BIRC6: variants seen among roughly 807,000 people sequenced by gnomAD.
BIRC6 encodes baculoviral IAP repeat containing 6, also known as dual E2 ubiquitin-conjugating enzyme/E3 ubiquitin-protein ligase BIRC6.
BIRC6 carries 98 observed loss-of-function variants against 503.3 expected under a neutral mutation model. The observed-to-expected ratio is 0.19, with a 90% confidence interval of 0.17 to 0.23. The LOEUF (loss-of-function observed/expected upper bound fraction) is 0.23. BIRC6 is among the 10% of genes least tolerant of loss of function. BIRC6 has a pLI of 1.00. For synonymous variants in BIRC6, 2,240 were observed against 2,078.7 expected (o/e 1.08, Z -2.11); for missense variants, 5,360 against 5,806.0 (o/e 0.92, Z 2.50).
intron 22 of BIRC6, 139 bp from the exon 23 acceptor site, chr2:32,453,669 C>A (rs2046945829): frequency 2.6e-6 from 2 of 756,898 alleles, no homozygotes; most frequent in Admixed American, 6.1e-5. Context: ...TAATACCATG[C>A]CCATGATTCA....
At chr2:32,424,062 C>T (rs1010351494) in intron 10 of BIRC6, among the ~76,000 whole-genome samples, 2 of 151,994 alleles carry the variant, frequency 1.3e-5, no homozygotes, top group South Asian at 2.1e-4. Context: ...GTTGAAAAGG[C>T]GAAATTTTTG....
rs146227025 is a variant in BIRC6, at chr2:32,490,080, C to A, written c.8135C>A (p.Pro2712His). 10 of 1,613,236 alleles carry A rather than the reference C, an allele frequency of 6.2e-6. No homozygotes were observed. The highest frequency in any genetic ancestry group is 3.3e-4 in the Middle Eastern group (2 of 6,082). Reference sequence around the variant, plus strand: ...TTTCTCACAGTGTTAGCTTGGTATCCCAATACTTTGCTCCGGACATGGTGC... The same window carrying A: ...TTTCTCACAGTGTTAGCTTGGTATCACAATACTTTGCTCCGGACATGGTGC... The part of the protein sequence containing the change: ...TSFLTVLAWY[P>H]NTLLRTWCLV... Residue 2712 changes from proline (P) to histidine (H), a missense_variant, in exon 43 of 74, where the codon CCC becomes CAC. Pro to His is a moderately conservative substitution (Grantham distance 77). This residue lies in a region of BIRC6 where 2,299 missense variants were observed against 2,267.2 expected (regional missense o/e 1.01). Transcript: ENST00000421745.
intron 32 of BIRC6, 160 bp downstream of exon 32, chr2:32,471,284 C>A: frequency 1.9e-6 from 1 of 513,644 alleles, no homozygotes; most frequent in South Asian, 8.4e-5. Flanking sequence ...CACTACAATT[C>A]TGTTTAAAGA....
chr2:32,374,122 T>C lies in BIRC6; in HGVS notation c.326-3466T>C, dbSNP rs73922723. 7.1e-3 allele frequency among the ~76,000 whole-genome samples: 1,078 copies of C among 152,248 alleles called. 11 individuals are homozygous for C. Among genetic ancestry groups the C allele is most frequent in the African/African-American group, 0.025 (1,018 of 41,550 alleles). ...TTATCCTGATGGATAAACAACAGCA[T>C]GAATATACTCAATACCACTCAACTG... On this transcript the variant is annotated intron_variant, in intron 1 of 73. Coordinates refer to ENST00000421745, the MANE Select transcript of BIRC6 (RefSeq NM_016252.4).
At chr2:32,502,768 T>C in intron 47 of BIRC6, 27 bp from the exon 48 acceptor site, 1 of 1,529,016 alleles carries the variant, frequency 6.5e-7, no homozygotes, top group South Asian at 1.2e-5. Context: ...ATATATAAAG[T>C]CATAATATGC....
At chr2:32,531,062 C>A (rs1457822076) in intron 60 of BIRC6, among the ~76,000 whole-genome samples, 6 of 152,086 alleles carry the variant, frequency 3.9e-5, no homozygotes, top group Admixed American at 6.6e-5. Context: ...TACAAATGAC[C>A]AGCATCATAC....
intron 1 of BIRC6, among the ~76,000 whole-genome samples, chr2:32,362,317 TG>T (rs2034228797): frequency 6.6e-6 from 1 of 151,196 alleles, no homozygotes; most frequent in Non-Finnish European, 1.5e-5. Context: ...TTGCTGACTT[TG>T]TTTTTTTTTT....
intron 23 of BIRC6, among the ~76,000 whole-genome samples, chr2:32,455,013 A>G (rs1389967584): frequency 6.6e-6 from 1 of 152,192 alleles, no homozygotes; most frequent in East Asian, 1.9e-4. Context: ...GAAACATGCC[A>G]TGACAAAAAA....
At chr2:32,542,007 A>C (rs1309647917) in intron 61 of BIRC6, among the ~76,000 whole-genome samples, 1 of 151,874 alleles carries the variant, frequency 6.6e-6, no homozygotes, top group Non-Finnish European at 1.5e-5. Context: ...CATATATTGC[A>C]TTTTGTTGTC....
intron 69 of BIRC6, 141 bp downstream of exon 69, chr2:32,598,109 G>A: frequency 2.6e-6 from 2 of 765,412 alleles, no homozygotes; most frequent in Non-Finnish European, 4.0e-6. Context: ...TTAGACGGCA[G>A]TGAAAGGAGC....
At chr2:32,549,889 A>C in intron 65 of BIRC6, among the ~76,000 whole-genome samples, 1 of 152,218 alleles carries the variant, frequency 6.6e-6, no homozygotes, top group Non-Finnish European at 1.5e-5. Context: ...TACATGAATC[A>C]AGTCCATAGG....
At chr2:32,615,309 T>C (rs1244907394) in intron 73 of BIRC6, among the ~76,000 whole-genome samples, 1 of 152,212 alleles carries the variant, frequency 6.6e-6, no homozygotes, top group East Asian at 1.9e-4. Context: ...AGATTTTTCT[T>C]TCTCCTTCCC....
chr2:32,471,260 A>G (rs776109300), intron 32 of BIRC6, 136 bp downstream of exon 32: 72 of 1,123,374 alleles, frequency 6.4e-5, no homozygotes, highest in Non-Finnish European at 8.4e-5. Context: ...TTTAAGGAAA[A>G]TACAAATGAA....
intron 32 of BIRC6, among the ~76,000 whole-genome samples, chr2:32,471,392 C>T (rs964134538): frequency 3.9e-5 from 6 of 152,142 alleles, no homozygotes; most frequent in Admixed American, 1.3e-4. Flanking sequence ...GGTGTCTTCC[C>T]TCAGGCTTGT....
intron 39 of BIRC6, among the ~76,000 whole-genome samples, chr2:32,483,119 G>T (rs560208915): frequency 6.6e-6 from 1 of 151,922 alleles, no homozygotes; most frequent in Admixed American, 6.6e-5. Context: ...GTTTCACCAT[G>T]TTGGCCAGGC....
intron 11 of BIRC6, among the ~76,000 whole-genome samples, chr2:32,430,476 T>G (rs777374704): frequency 6.6e-6 from 1 of 152,172 alleles, no homozygotes; most frequent in Non-Finnish European, 1.5e-5. Context: ...TAGCATTTTA[T>G]TTTTTAAAAA....
Position 32,471,132 on chromosome 2 carries a change from C to T in BIRC6, c.6592+8C>T. 2.6e-6 allele frequency: 4 copies of T among 1,558,818 alleles called. No homozygotes were observed. In the East Asian group the frequency reaches 9.5e-5, roughly 37 times the overall value. ...CAAAGAAACCTTTGAATGGTAAAGA[C>T]AGGGAGAGGTTTCTGACAGGTATCA... On this transcript the variant is annotated splice_region_variant and intron_variant, in intron 32 of 73. Coordinates refer to ENST00000421745, the MANE Select transcript of BIRC6 (RefSeq NM_016252.4).
At chr2:32,463,429 A>G in intron 24 of BIRC6, 48 bp downstream of exon 24, 1 of 1,488,814 alleles carries the variant, frequency 6.7e-7, no homozygotes, top group Non-Finnish European at 9.0e-7. Context: ...AAACTTCAAA[A>G]GCTGAAAAAG....
intron 26 of BIRC6, among the ~76,000 whole-genome samples, chr2:32,466,880 G>A (rs2048599712): frequency 2.0e-5 from 3 of 152,046 alleles, no homozygotes; most frequent in African/African-American, 4.8e-5. Flanking sequence ...AGCGCTTTGG[G>A]AGGCCGAGGC....
Sources: gnomAD v4.1 joint callset for allele counts (sites outside exome capture counted in the v4.1 genomes callset) on GRCh38, gnomAD v4.1.1 for gene constraint, gnomAD v4.1.1 regional missense constraint, MANE v1.5 for transcripts, NCBI Gene and HGNC (gene_info 2026-07-23, HGNC 2026-07-21) for gene names.